The following COP1 variants were observed in gnomAD, a reference collection of about 807,000 sequenced individuals.
COP1 encodes the protein COP1 E3 ubiquitin ligase, also known as E3 ubiquitin-protein ligase COP1.
In COP1, 24 loss-of-function variants were observed where a neutral mutation model predicts 101.3. The observed-to-expected ratio is 0.24, with a 90% CI of 0.17 to 0.33. The LOEUF (loss-of-function observed/expected upper bound fraction) is 0.33, where lower values mean the gene tolerates loss of function less well. COP1 is among the 10% of genes least tolerant of loss of function. The pLI is 1.00. For synonymous variants in COP1, 347 were observed against 341.9 expected (o/e 1.01, Z -0.17); for missense variants, 663 against 906.2 (o/e 0.73, Z 3.45).
intron 14 of COP1, among the ~76,000 whole-genome samples, chr1:176,040,423 T>A (rs1670313434): frequency 6.6e-6 from 1 of 151,952 alleles, no homozygotes; most frequent in Non-Finnish European, 1.5e-5. Context: ...GCTCAAGAGA[T>A]CCTCCTGCCC....
At chr1:176,092,173 C>G (rs1681452440) in intron 9 of COP1, among the ~76,000 whole-genome samples, 1 of 151,968 alleles carries the variant, frequency 6.6e-6, no homozygotes, top group Admixed American at 6.6e-5. Context: ...GCAAGTAACA[C>G]TAGTTTATAT....
At chr1:176,172,764 T>C (rs1696278475) in intron 3 of COP1, among the ~76,000 whole-genome samples, 1 of 152,164 alleles carries the variant, frequency 6.6e-6, no homozygotes, top group Admixed American at 6.5e-5. Flanking sequence ...CAAGTGATAT[T>C]CCACTTTCAG....
chr1:175,968,550 C>CT (rs1233213993), intron 18 of COP1: 1 of 510,354 alleles, frequency 2.0e-6, no homozygotes, highest in African/African-American at 1.9e-5. Flanking sequence ...TTCTGGTGTG[C>CT]TTCATTATTA....
At chr1:176,082,520 A>AACAC (rs1223887901) in intron 10 of COP1, among the ~76,000 whole-genome samples, 1 of 152,164 alleles carries the variant, frequency 6.6e-6, no homozygotes. Flanking sequence ...AAAAATAAAC[A>AACAC]ACAGGGCCGG....
chr1:176,150,836 C>A (rs548536363), intron 5 of COP1, among the ~76,000 whole-genome samples: 1 of 152,254 alleles, frequency 6.6e-6, no homozygotes, highest in African/African-American at 2.4e-5. Context: ...CAACTACATA[C>A]ACCAGGAATT....
intron 2 of COP1, among the ~76,000 whole-genome samples, chr1:176,179,960 G>A (rs900315222): frequency 2.0e-5 from 3 of 151,604 alleles, no homozygotes; most frequent in Non-Finnish European, 4.4e-5. Context: ...CCATTATATT[G>A]TAAAATCAAA....
intron 8 of COP1, among the ~76,000 whole-genome samples, chr1:176,130,873 T>C (rs1688768470): frequency 6.6e-6 from 1 of 151,788 alleles, no homozygotes; most frequent in Non-Finnish European, 1.5e-5. Flanking sequence ...TCAAAATAAG[T>C]AGAAATCTTT....
intron 8 of COP1, among the ~76,000 whole-genome samples, chr1:176,134,274 C>G (rs1219982637): frequency 6.6e-6 from 1 of 151,950 alleles, no homozygotes; most frequent in African/African-American, 2.4e-5. Context: ...GTGGATTTAA[C>G]AAATCAAAAA....
rs112425301 is a variant in COP1, at chr1:176,162,815, T to C, written c.762+54A>G. On this transcript the variant is annotated intron_variant, in intron 5 of 19. Transcript: ENST00000367669. ...ATTTTTAAACTTTCTACGTCTTTTT[T>C]ATTGCAATAAAGTTCATCATTTAAA... 5.1e-4 allele frequency: 762 copies of C among 1,487,866 alleles called. 5 individuals carry two copies. In the African/African-American group the frequency reaches 9.3e-3, roughly 18 times the overall value. The allele number at this position is 1,487,866 out of a possible 1,614,324, so 92.2% of individuals were successfully genotyped here.
At chr1:176,118,218 G>T (rs1686532388) in intron 8 of COP1, among the ~76,000 whole-genome samples, 1 of 152,196 alleles carries the variant, frequency 6.6e-6, no homozygotes. Context: ...TAATGCATGT[G>T]AAGTTCACAG....
intron 15 of COP1, among the ~76,000 whole-genome samples, chr1:175,991,007 CA>C (rs1331822688): frequency 5.3e-5 from 8 of 151,722 alleles, no homozygotes; most frequent in Non-Finnish European, 1.2e-4. Context: ...CATCTGAAAT[CA>C]AAAAATCCCA....
intron 15 of COP1, among the ~76,000 whole-genome samples, chr1:176,017,795 G>A (rs1215433995): frequency 6.6e-6 from 1 of 152,182 alleles, no homozygotes; most frequent in Non-Finnish European, 1.5e-5. Context: ...AAAGTGCTGG[G>A]ATTAGAGGTG....
At chr1:176,144,673 A>G (rs1691284385) in intron 6 of COP1, among the ~76,000 whole-genome samples, 1 of 152,158 alleles carries the variant, frequency 6.6e-6, no homozygotes, top group Non-Finnish European at 1.5e-5. Context: ...ACAAGGTGGT[A>G]TTGCGAAAAA....
chr1:176,037,010 G>T (rs1027523524), intron 14 of COP1, among the ~76,000 whole-genome samples: 1 of 152,100 alleles, frequency 6.6e-6, no homozygotes, highest in Non-Finnish European at 1.5e-5. Context: ...TTATTAGTTC[G>T]AAATCTACTA....
At chr1:176,206,433 T>C in intron 1 of COP1, 139 bp downstream of exon 1, 2 of 948,304 alleles carry the variant, frequency 2.1e-6, no homozygotes, top group Non-Finnish European at 1.5e-6. Flanking sequence ...AAACGCTCGA[T>C]TCCCTCTGCA....
chr1:176,146,587 A>C (rs959817978), intron 6 of COP1, among the ~76,000 whole-genome samples: 3 of 152,196 alleles, frequency 2.0e-5, no homozygotes, highest in Admixed American at 6.5e-5. Context: ...AAAAATTGTT[A>C]TCTCTTTCCA....
Position 176,176,013 on chromosome 1 carries a change from A to C in COP1, c.468-6T>G. The C allele has an allele frequency of 7.2e-7, 1 of 1,384,764 alleles. No homozygotes were observed. Among genetic ancestry groups the C allele is most frequent in the Non-Finnish European group, 1.0e-6 (1 of 990,524 alleles). 85.8% of individuals were successfully genotyped at this position (1,384,764 alleles called of 1,614,324 possible). A position where few individuals can be genotyped will look rare whatever the true frequency, so the allele number is the denominator to read the frequency against. On this transcript the variant is annotated splice_polypyrimidine_tract_variant and splice_region_variant and intron_variant, in intron 2 of 19. Coordinates refer to ENST00000367669, the MANE Select transcript of COP1 (RefSeq NM_022457.7). ...TCTGATGAATACACTTGTAGCTATT[A>C]GTAGGGGGGGAAAAAAAAGGCTTAA... is the stretch of plus-strand genomic sequence containing the variant.
chr1:176,177,334 A>G (rs1697099666), intron 2 of COP1, among the ~76,000 whole-genome samples: 1 of 151,108 alleles, frequency 6.6e-6, no homozygotes, highest in African/African-American at 2.4e-5. Context: ...TCAAACTGGT[A>G]TGAGAAAAAA....
chr1:176,062,895 G>C (rs1675140246), intron 11 of COP1, among the ~76,000 whole-genome samples: 1 of 152,100 alleles, frequency 6.6e-6, no homozygotes, highest in African/African-American at 2.4e-5. Context: ...AGACACAAAA[G>C]AACATATACT....
Sources: gnomAD v4.1 joint callset for allele counts (sites outside exome capture counted in the v4.1 genomes callset) on GRCh38, gnomAD v4.1.1 for gene constraint, MANE v1.5 for transcripts, NCBI Gene and HGNC (gene_info 2026-07-23, HGNC 2026-07-21) for gene names.